The following SIPA1L2 variants were observed in gnomAD, a reference collection of about 807,000 sequenced individuals.
SIPA1L2 encodes the protein signal induced proliferation associated 1 like 2.
In SIPA1L2, 56 loss-of-function variants were observed where a neutral mutation model predicts 163.9. The ratio of observed to expected loss-of-function variants is 0.34; its 90% confidence interval spans 0.28 to 0.43. The LOEUF (loss-of-function observed/expected upper bound fraction) is 0.43. Among genes scored for constraint, SIPA1L2 ranks in the 20% least tolerant of loss-of-function variants. SIPA1L2 has a pLI of 1.00. For missense variants in SIPA1L2, 1,974 were observed against 2,193.5 expected, an observed-to-expected ratio of 0.90 and a Z score of 2.00; for synonymous variants, 877 against 865.7, an observed-to-expected ratio of 1.01 and a Z score of -0.23.
At chr1:232,572,748 T>C (rs77140705) in intron 2 of SIPA1L2, among the ~76,000 whole-genome samples, 654 of 56,064 alleles carry the variant, frequency 0.012, 12 homozygotes, top group African/African-American at 0.038. Flanking sequence ...CATATATATA[T>C]ATATATATAT....
intron 1 of SIPA1L2, among the ~76,000 whole-genome samples, chr1:232,598,544 T>C (rs1344253923): frequency 1.3e-5 from 2 of 152,144 alleles, no homozygotes; most frequent in African/African-American, 2.4e-5. Context: ...ATAACAAAAA[T>C]AGCACAAGCT....
chr1:232,619,996 C>T (rs1459021074), intron 1 of SIPA1L2, among the ~76,000 whole-genome samples: 3 of 152,112 alleles, frequency 2.0e-5, no homozygotes, highest in African/African-American at 4.8e-5. Flanking sequence ...GCGTTTCTCC[C>T]GCCTCAGCCT....
chr1:232,569,709 A>T (rs1392732142), intron 2 of SIPA1L2, among the ~76,000 whole-genome samples: 7 of 152,172 alleles, frequency 4.6e-5, no homozygotes, highest in African/African-American at 1.4e-4. Context: ...GCTACTTGGG[A>T]GGTTGAGGCA....
rs148802417 is a variant in SIPA1L2, at chr1:232,448,259, C to T, written c.3096-2473G>A. Among the ~76,000 whole-genome samples the T allele has an allele frequency of 1.0e-3, 156 of 152,298 alleles. 2 individuals are homozygous for T. Among genetic ancestry groups the T allele is most frequent in the African/African-American group, 3.4e-3 (143 of 41,570 alleles). ...GCCTGCGAAGCTAATTGGTGCAGTT[C>T]GGCAAGGACACGGGAAGACTAGATA... On this transcript the variant is annotated intron_variant, in intron 10 of 22. Coordinates refer to ENST00000674635, the MANE Select transcript of SIPA1L2 (RefSeq NM_020808.5).
chr1:232,572,213 C>T (rs74146159), intron 2 of SIPA1L2, among the ~76,000 whole-genome samples: 11,648 of 152,164 alleles, frequency 0.077, 1,266 homozygotes, highest in African/African-American at 0.24. Flanking sequence ...CATGAGGTGT[C>T]CCTTAGCTGG....
chr1:232,586,000 T>C (rs372933441), intron 1 of SIPA1L2, among the ~76,000 whole-genome samples: 4 of 151,634 alleles, frequency 2.6e-5, no homozygotes, highest in Admixed American at 6.6e-5. Context: ...ATGAAGGAAA[T>C]AGAGTTGGAA....
chr1:232,498,201 T>C (rs772060863), intron 3 of SIPA1L2, among the ~76,000 whole-genome samples: 1 of 152,146 alleles, frequency 6.6e-6, no homozygotes, highest in Non-Finnish European at 1.5e-5. Context: ...TAGACTCCTC[T>C]GGTATTGTCC....
intron 2 of SIPA1L2, among the ~76,000 whole-genome samples, chr1:232,562,914 C>T (rs1049822459): frequency 6.6e-6 from 1 of 152,180 alleles, no homozygotes; most frequent in Non-Finnish European, 1.5e-5. Flanking sequence ...CAAACACCTG[C>T]AAGCTGTGTC....
chr1:232,429,734 C>A (rs2102825052), intron 16 of SIPA1L2, among the ~76,000 whole-genome samples: 1 of 152,142 alleles, frequency 6.6e-6, no homozygotes, highest in Non-Finnish European at 1.5e-5. Context: ...AGGGCTTTTG[C>A]ACAAAAGCCA....
chr1:232,471,947 T>C (rs1664822709), intron 7 of SIPA1L2, among the ~76,000 whole-genome samples: 2 of 152,244 alleles, frequency 1.3e-5, no homozygotes, highest in Admixed American at 1.3e-4. Flanking sequence ...GCTTGTATCC[T>C]GTGCTCCCAC....
At chr1:232,442,420 C>T (rs1187917214) in intron 12 of SIPA1L2, among the ~76,000 whole-genome samples, 14 of 151,446 alleles carry the variant, frequency 9.2e-5, no homozygotes, top group South Asian at 2.1e-4. Context: ...TGGTGGCGAG[C>T]GCCTGTAATC....
At chr1:232,590,395 T>A (rs1426165941) in intron 1 of SIPA1L2, among the ~76,000 whole-genome samples, 1 of 152,214 alleles carries the variant, frequency 6.6e-6, no homozygotes, top group Non-Finnish European at 1.5e-5. Flanking sequence ...GTAAATAAAT[T>A]AAACCAAACT....
intron 9 of SIPA1L2, among the ~76,000 whole-genome samples, chr1:232,461,620 A>G (rs774540257): frequency 6.6e-6 from 1 of 152,206 alleles, no homozygotes; most frequent in Non-Finnish European, 1.5e-5. Context: ...GACCATTACA[A>G]GTTTCAACCA....
At chr1:232,451,487 G>A (rs532699518) in intron 10 of SIPA1L2, among the ~76,000 whole-genome samples, 3 of 152,076 alleles carry the variant, frequency 2.0e-5, no homozygotes, top group Non-Finnish European at 4.4e-5. Context: ...ACTGAAACCC[G>A]AACAGACCAA....
At chr1:232,456,797 ACTGT>A (rs1663946103) in intron 10 of SIPA1L2, among the ~76,000 whole-genome samples, 1 of 152,126 alleles carries the variant, frequency 6.6e-6, no homozygotes, top group African/African-American at 2.4e-5. Context: ...TGCCACAGAG[ACTGT>A]CTGCTTGAGA....
intron 9 of SIPA1L2, among the ~76,000 whole-genome samples, chr1:232,463,130 C>T (rs953356142): frequency 6.6e-5 from 10 of 152,228 alleles, no homozygotes; most frequent in East Asian, 3.8e-4. Context: ...CAACCAAGCA[C>T]GAACTCTTCT....
At chr1:232,439,014 C>A in intron 15 of SIPA1L2, 94 bp downstream of exon 15, 4 of 1,335,140 alleles carry the variant, frequency 3.0e-6, no homozygotes, top group Non-Finnish European at 4.0e-6. Context: ...TACCTGATGC[C>A]CCTACTGCTT....
chr1:232,609,193 T>C (rs1356304854), intron 1 of SIPA1L2, among the ~76,000 whole-genome samples: 1 of 152,174 alleles, frequency 6.6e-6, no homozygotes, highest in Non-Finnish European at 1.5e-5. Flanking sequence ...TGTTTTATAG[T>C]TAGTTGTCAA....
intron 1 of SIPA1L2, among the ~76,000 whole-genome samples, chr1:232,581,490 T>G (rs933891176): frequency 1.3e-5 from 2 of 152,108 alleles, no homozygotes; most frequent in African/African-American, 4.8e-5. Context: ...CTGACAATGT[T>G]TGAGCCCCTG....
Sources: allele counts gnomAD v4.1 joint callset (sites outside exome capture counted in the v4.1 genomes callset), GRCh38; gene constraint gnomAD v4.1.1; transcripts MANE v1.5; gene names NCBI Gene and HGNC (gene_info 2026-07-23, HGNC 2026-07-21).